Variants in OCIAD2 observed in about 807,000 individuals in gnomAD.
OCIAD2 encodes the protein OCIA domain containing 2, also known as OCIA domain-containing protein 2.
A neutral mutation model predicts 22.9 loss-of-function variants in OCIAD2; 29 were observed. The ratio of observed to expected loss-of-function variants is 1.27; its 90% confidence interval spans 0.94 to 1.73. The LOEUF is 1.73. Ranked by LOEUF, OCIAD2 falls within the 40% of genes most tolerant of loss-of-function variation. OCIAD2 has a pLI of 0.00. For synonymous variants in OCIAD2, 67 were observed against 60.2 expected (o/e 1.11, Z -0.52); for missense variants, 189 against 180.3 (o/e 1.05, Z -0.28).
intron 6 of OCIAD2, among the ~76,000 whole-genome samples, chr4:48,888,334 C>T (rs1157176188): frequency 6.6e-6 from 1 of 152,198 alleles, no homozygotes; most frequent in Non-Finnish European, 1.5e-5. Flanking sequence ...TTATTTCTTT[C>T]TCCTGCCTGA....
intron 6 of OCIAD2, among the ~76,000 whole-genome samples, chr4:48,888,831 T>C (rs1445455156): frequency 6.6e-6 from 1 of 152,226 alleles, no homozygotes; most frequent in Non-Finnish European, 1.5e-5. Context: ...GGCTTTGGTA[T>C]CAAGATGATG....
chr4:48,887,306 T>C (rs1781018675), intron 6 of OCIAD2, among the ~76,000 whole-genome samples: 1 of 152,324 alleles, frequency 6.6e-6, no homozygotes, highest in Non-Finnish European at 1.5e-5. Context: ...ACTCTGATGG[T>C]AGTTTCTTTT....
chr4:48,894,146 C>A, intron 4 of OCIAD2, 93 bp from the exon 5 acceptor site: 1 of 615,192 alleles, frequency 1.6e-6, no homozygotes, highest in Admixed American at 4.1e-5. Flanking sequence ...ATAAAGAAAC[C>A]TCCAAAATTT....
intron 6 of OCIAD2, 134 bp from the exon 7 acceptor site, chr4:48,885,699 C>A: frequency 5.1e-6 from 3 of 583,286 alleles, no homozygotes; most frequent in South Asian, 2.6e-5. Context: ...TCTATGTTGC[C>A]CAGGCTGGTC....
intron 4 of OCIAD2, among the ~76,000 whole-genome samples, chr4:48,894,357 A>T (rs1781255770): frequency 6.6e-6 from 1 of 152,010 alleles, no homozygotes; most frequent in Non-Finnish European, 1.5e-5. Context: ...GCCAGGCATG[A>T]TGGTGGGTGC....
intron 6 of OCIAD2, among the ~76,000 whole-genome samples, chr4:48,886,469 T>A (rs1780990807): frequency 1.3e-5 from 2 of 151,980 alleles, no homozygotes; most frequent in Non-Finnish European, 2.9e-5. Context: ...TAGGTATATC[T>A]CCTAATGCTA....
intron 2 of OCIAD2, among the ~76,000 whole-genome samples, chr4:48,900,431 CT>C (rs202199672): frequency 6.6e-6 from 1 of 151,664 alleles, no homozygotes; most frequent in East Asian, 1.9e-4. Context: ...CTGTGGACTG[CT>C]TTTTATTATT....
Position 48,897,798 on chromosome 4 carries a change from T to C in OCIAD2, c.217+6A>G, listed in dbSNP as rs2109678252. ...ATTAGATTATTTAACAAATATTGAA[T>C]CTTACCTTGGTAGACTAGTCCCTGG... On this transcript the variant is annotated splice_donor_region_variant and intron_variant, in intron 4 of 6. Coordinates refer to ENST00000508632, the MANE Select transcript of OCIAD2 (RefSeq NM_001014446.3). The C allele has an allele frequency of 6.2e-7, 1 of 1,605,946 alleles. No individual in the cohort carries two copies.
At position 48,885,435 on chromosome 4, in the gene OCIAD2, T is replaced by C; in HGVS notation, c.*49A>G. On this transcript the variant is annotated 3_prime_UTR_variant, in exon 7 of 7. Coordinates refer to ENST00000508632, the MANE Select transcript of OCIAD2 (RefSeq NM_001014446.3). Reference sequence around the variant, plus strand: ...TAAAGTACACTTGAAATTTTAAATGTGTACAAATTCAGAGGTTTAAAAAAC... The same window carrying C: ...TAAAGTACACTTGAAATTTTAAATGCGTACAAATTCAGAGGTTTAAAAAAC... 1.1e-6 allele frequency: 1 copy of C among 939,650 alleles called. No homozygotes were observed. The allele number at this position is 939,650 out of a possible 1,614,324, so 58.2% of individuals were successfully genotyped here.
In OCIAD2 at chr4:48,897,863, A is replaced by C; in HGVS notation, c.164-6T>G. 6.2e-7 allele frequency: 1 copy of C among 1,610,756 alleles called. No individual in the cohort carries two copies. Among genetic ancestry groups the C allele is most frequent in the Non-Finnish European group, 8.5e-7 (1 of 1,177,184 alleles). ...TACAAGAGAAAAAGGCAGAGCTGTA[A>C]AGCAAAAATGTCCTTCAATATTGGT... On this transcript the variant is annotated splice_region_variant and splice_polypyrimidine_tract_variant and intron_variant, in intron 3 of 6. Transcript: ENST00000508632.
At chr4:48,885,877 C>T (rs1441988917) in intron 6 of OCIAD2, among the ~76,000 whole-genome samples, 13 of 152,096 alleles carry the variant, frequency 8.5e-5, no homozygotes, top group Admixed American at 8.5e-4. Flanking sequence ...CTGTAGGTTG[C>T]CTGTTCACTC....
chr4:48,897,898 AT>A (rs776606245), intron 3 of OCIAD2, 41 bp from the exon 4 acceptor site: 1 of 1,448,588 alleles, frequency 6.9e-7, no homozygotes, highest in East Asian at 2.3e-5. Context: ...TATTTTAAAA[AT>A]TGGCACCTCA....
intron 6 of OCIAD2, among the ~76,000 whole-genome samples, chr4:48,886,675 C>A (rs866480834): frequency 6.6e-6 from 1 of 151,928 alleles, no homozygotes; most frequent in South Asian, 2.1e-4. Flanking sequence ...TGAACTCATC[C>A]TTTTTTTATG....
At chr4:48,892,746 A>G (rs747799274) in intron 6 of OCIAD2, 26 bp downstream of exon 6, 3 of 1,071,256 alleles carry the variant, frequency 2.8e-6, no homozygotes, top group East Asian at 4.9e-5. Flanking sequence ...TTACATTACA[A>G]TCCCTCAACC....
At chr4:48,898,443 C>T (rs1419799379) in intron 3 of OCIAD2, among the ~76,000 whole-genome samples, 1 of 152,162 alleles carries the variant, frequency 6.6e-6, no homozygotes, top group South Asian at 2.1e-4. Flanking sequence ...TGTTTCCCTA[C>T]ACAATTACAC....
At chr4:48,895,981 G>A (rs938226221) in intron 4 of OCIAD2, among the ~76,000 whole-genome samples, 5 of 151,142 alleles carry the variant, frequency 3.3e-5, no homozygotes, top group African/African-American at 9.8e-5. Context: ...GTAGTGAGCC[G>A]AGATCACACC....
intron 6 of OCIAD2, among the ~76,000 whole-genome samples, chr4:48,891,200 T>C (rs1401968010): frequency 1.3e-5 from 2 of 152,332 alleles, no homozygotes; most frequent in Admixed American, 6.5e-5. Flanking sequence ...CTCCTACTAC[T>C]TGAATCTATT....
chr4:48,886,730 C>T (rs1780999877), intron 6 of OCIAD2, among the ~76,000 whole-genome samples: 2 of 152,120 alleles, frequency 1.3e-5, no homozygotes, highest in Admixed American at 1.3e-4. Flanking sequence ...TTTTCTTAAT[C>T]CAGTCTATCA....
chr4:48,892,123 T>A (rs1473903619), intron 6 of OCIAD2, among the ~76,000 whole-genome samples: 1 of 152,226 alleles, frequency 6.6e-6, no homozygotes, highest in Non-Finnish European at 1.5e-5. Context: ...GAGAAATGTG[T>A]CCCCAACACT....
Sources: gnomAD v4.1 joint callset for allele counts (sites outside exome capture counted in the v4.1 genomes callset) on GRCh38, gnomAD v4.1.1 for gene constraint, MANE v1.5 for transcripts, NCBI Gene and HGNC (gene_info 2026-07-23, HGNC 2026-07-21) for gene names.